Variants in ASIC2 observed in about 807,000 individuals in gnomAD.
ASIC2 encodes acid-sensing ion channel 2.
A neutral mutation model predicts 57.3 loss-of-function variants in ASIC2; 25 were observed. The ratio of observed to expected loss-of-function variants is 0.44; its 90% CI spans 0.32 to 0.61. The LOEUF is 0.61. ASIC2 is among the 20% of genes least tolerant of loss of function. The pLI is 0.06. For synonymous variants in ASIC2, 319 were observed against 307.5 expected (o/e 1.04, Z -0.39); for missense variants, 641 against 738.1 (o/e 0.87, Z 1.52).
chr17:34,045,201 T>G (rs1908291708), intron 1 of ASIC2, among the ~76,000 whole-genome samples: 1 of 152,032 alleles, frequency 6.6e-6, no homozygotes, highest in Non-Finnish European at 1.5e-5. Flanking sequence ...CCACCACTCT[T>G]CCCCTCCATC....
At chr17:33,054,358 C>T (rs1389492603) in intron 3 of ASIC2, among the ~76,000 whole-genome samples, 1 of 152,160 alleles carries the variant, frequency 6.6e-6, no homozygotes, top group Non-Finnish European at 1.5e-5. Flanking sequence ...ACCAAGGTAG[C>T]TTTCCCTCCC....
chr17:33,592,116 A>C (rs993908712), intron 1 of ASIC2, among the ~76,000 whole-genome samples: 1 of 152,166 alleles, frequency 6.6e-6, no homozygotes, highest in African/African-American at 2.4e-5. Context: ...TGTGGTGCGC[A>C]CTGAGGACAC....
In ASIC2 at chr17:33,478,355, C is replaced by T. The variant is rs190353019; in HGVS notation, c.556-366288G>A. ...AAGTTTAACTTCCCTTTATTTTTCA[C>T]TTCAATGTAACATCAAACACGAACT... On this transcript the variant is annotated intron_variant, in intron 1 of 9. Coordinates refer to the ASIC2 transcript ENST00000359872. Among the ~76,000 whole-genome samples the T allele has an allele frequency of 1.5e-3, 236 of 152,322 alleles. 2 individuals carry two copies. The highest frequency in any genetic ancestry group is 5.4e-3 in the African/African-American group (225 of 41,568).
At chr17:33,959,619 G>A (rs1904855504) in intron 1 of ASIC2, among the ~76,000 whole-genome samples, 1 of 152,172 alleles carries the variant, frequency 6.6e-6, no homozygotes, top group South Asian at 2.1e-4. Context: ...ATGTTCAAGG[G>A]CAGGAAGCAT....
At chr17:33,148,936 A>T (rs1904672880) in intron 1 of ASIC2, among the ~76,000 whole-genome samples, 1 of 152,126 alleles carries the variant, frequency 6.6e-6, no homozygotes, top group Non-Finnish European at 1.5e-5. Context: ...TCTACTAAAA[A>T]TACAAAAATT....
rs1907964759 is a variant in ASIC2, at chr17:34,038,201, T to A, written c.555+117777A>T. 6 of 1,612,370 alleles carry A rather than the reference T, an allele frequency of 3.7e-6. No homozygotes were observed. In the South Asian group the frequency reaches 6.6e-5, roughly 18 times the overall value. The stretch of plus-strand genomic sequence containing the variant: ...GATGGGAGGTTTTATTTCATTTAAG[T>A]ACTTTAAAGCATTCACAATCTGCAT... On this transcript the variant is annotated intron_variant, in intron 1 of 9. Coordinates refer to the ASIC2 transcript ENST00000359872.
In ASIC2 at chr17:33,265,555, G is replaced by A. The variant is rs546792872; in HGVS notation, c.708+25853C>T. 9.9e-5 allele frequency among the ~76,000 whole-genome samples: 15 copies of A among 152,238 alleles called. No homozygotes were observed. The South Asian group carries it at 2.1e-3, about 21-fold the overall frequency. The stretch of plus-strand genomic sequence containing the variant: ...ATCAGGATAAATAGCTAATGCATGT[G>A]GGGCTTAATACCTAGGTGACGGGTT... On this transcript the variant is annotated intron_variant, in intron 1 of 9. Transcript: ENST00000225823.
intron 1 of ASIC2, among the ~76,000 whole-genome samples, chr17:33,722,607 G>GA (rs34281265): frequency 0.29 from 41,560 of 141,048 alleles, 8,132 homozygotes; most frequent in African/African-American, 0.58. Flanking sequence ...TACAAAAAAG[G>GA]AAAAAAAAAA....
At chr17:33,725,060 C>G (rs1165463495) in intron 1 of ASIC2, among the ~76,000 whole-genome samples, 1 of 152,220 alleles carries the variant, frequency 6.6e-6, no homozygotes, top group Non-Finnish European at 1.5e-5. Flanking sequence ...CTTCTGGATC[C>G]TCGCTCTGCC....
intron 1 of ASIC2, among the ~76,000 whole-genome samples, chr17:33,496,372 T>G (rs1913930659): frequency 6.6e-6 from 1 of 152,156 alleles, no homozygotes; most frequent in South Asian, 2.1e-4. Context: ...CCTCTCCCAC[T>G]GCGGTTGTCT....
chr17:33,524,416 C>A (rs1914828995), intron 1 of ASIC2, among the ~76,000 whole-genome samples: 1 of 152,122 alleles, frequency 6.6e-6, no homozygotes, highest in East Asian at 1.9e-4. Context: ...GGAGCTTGGT[C>A]TCTTTGATTG....
intron 1 of ASIC2, among the ~76,000 whole-genome samples, chr17:33,472,601 A>T (rs975164539): frequency 6.6e-6 from 1 of 152,156 alleles, no homozygotes; most frequent in African/African-American, 2.4e-5. Flanking sequence ...CTCTTCACCC[A>T]AAGTGGAGAT....
At chr17:33,164,603 CTT>C (rs1053436465) in intron 1 of ASIC2, among the ~76,000 whole-genome samples, 1 of 150,252 alleles carries the variant, frequency 6.7e-6, no homozygotes, top group African/African-American at 2.5e-5. Context: ...CACACACACA[CTT>C]ATACACACAT....
chr17:33,183,728 T>G (rs1303551005), intron 1 of ASIC2, among the ~76,000 whole-genome samples: 1 of 152,226 alleles, frequency 6.6e-6, no homozygotes, highest in Non-Finnish European at 1.5e-5. Context: ...TAAGCAGAAA[T>G]GGATCACCAT....
intron 1 of ASIC2, among the ~76,000 whole-genome samples, chr17:34,075,448 G>A (rs1221459934): frequency 6.6e-6 from 1 of 152,162 alleles, no homozygotes; most frequent in African/African-American, 2.4e-5. Flanking sequence ...CACTTTTTAA[G>A]TTGCAGAAAG....
intron 1 of ASIC2, among the ~76,000 whole-genome samples, chr17:33,737,652 A>T (rs938588399): frequency 7.0e-6 from 1 of 142,366 alleles, no homozygotes; most frequent in African/African-American, 2.5e-5. Flanking sequence ...ACCAATGTGT[A>T]AAATACCCCT....
At chr17:33,121,799 A>G (rs2092303687) in intron 1 of ASIC2, among the ~76,000 whole-genome samples, 1 of 152,192 alleles carries the variant, frequency 6.6e-6, no homozygotes, top group Non-Finnish European at 1.5e-5. Flanking sequence ...AATGGAGCTT[A>G]GCTTTCACAG....
chr17:33,473,793 T>C (rs1913129852), intron 1 of ASIC2, among the ~76,000 whole-genome samples: 1 of 152,072 alleles, frequency 6.6e-6, no homozygotes, highest in Non-Finnish European at 1.5e-5. Flanking sequence ...TTTTTCTTTC[T>C]CCAGATCTTC....
At chr17:33,129,716 T>G (rs1326083717) in intron 1 of ASIC2, among the ~76,000 whole-genome samples, 1 of 152,160 alleles carries the variant, frequency 6.6e-6, no homozygotes, top group Non-Finnish European at 1.5e-5. Context: ...AATTCAGGAA[T>G]GGCCAACCTG....
Sources: allele counts gnomAD v4.1 joint callset (sites outside exome capture counted in the v4.1 genomes callset), GRCh38; gene constraint gnomAD v4.1.1; transcripts MANE v1.5; gene names NCBI Gene and HGNC (gene_info 2026-07-23, HGNC 2026-07-21).